Variants in LOXL4 observed in about 807,000 individuals in gnomAD.
LOXL4 encodes the protein lysyl oxidase homolog 4.
A neutral mutation model predicts 89.1 loss-of-function variants in LOXL4; 72 were observed. The ratio of observed to expected loss-of-function variants is 0.81; its 90% confidence interval spans 0.67 to 0.98. The LOEUF is 0.98. LOXL4 is among the 50% of genes least tolerant of loss of function. The pLI, the probability that LOXL4 is intolerant of heterozygous loss-of-function variation, is 0.00. For missense variants in LOXL4, 984 were observed against 1,017.5 expected (o/e 0.97, Z 0.45); for synonymous variants, 355 against 392.1 (o/e 0.91, Z 1.12).
intron 2 of LOXL4, 152 bp downstream of exon 2, chr10:98,262,591 A>AG (rs953080908): frequency 2.1e-6 from 2 of 941,142 alleles, no homozygotes; most frequent in African/African-American, 3.3e-5. Context: ...GGGTGGGAGT[A>AG]GGGGCCATGT....
At chr10:98,264,190 A>G (rs994239107) in intron 1 of LOXL4, among the ~76,000 whole-genome samples, 10 of 151,332 alleles carry the variant, frequency 6.6e-5, no homozygotes, top group Non-Finnish European at 1.5e-4. Flanking sequence ...AGGTGCTGGG[A>G]CACAGAAATT....
chr10:98,258,382 C>A (rs1264467738), intron 6 of LOXL4, among the ~76,000 whole-genome samples: 1 of 152,048 alleles, frequency 6.6e-6, no homozygotes, highest in Non-Finnish European at 1.5e-5. Flanking sequence ...ATCACCCCCA[C>A]AGCCTCATCA....
Position 98,262,050 on chromosome 10 carries a change from A to C in LOXL4, c.441T>G (p.Asn147Lys). ...GCCTCCTCACCTGGGGCCCAAGGGC[A>C]TTGGAGACAGTTTCAGAAAGGTAGC... ...HRGYLSETVS[N>K]ALGPQGRRLE... Residue 147 changes from asparagine (N) to lysine (K), a missense_variant, in exon 3 of 15, where the codon AAT becomes AAG. Physicochemically the swap from Asn to Lys is moderately conservative, Grantham distance 94 (BLOSUM62 0). Coordinates refer to ENST00000260702, the MANE Select transcript of LOXL4 (RefSeq NM_032211.7). 1 of 1,610,672 alleles carries C rather than the reference A, an allele frequency of 6.2e-7. No individual in the cohort carries two copies. Among genetic ancestry groups the C allele is most frequent in the Non-Finnish European group, 8.5e-7 (1 of 1,178,528 alleles).
chr10:98,254,752 G>T (rs978991681), intron 10 of LOXL4, among the ~76,000 whole-genome samples: 2 of 152,192 alleles, frequency 1.3e-5, no homozygotes, highest in African/African-American at 4.8e-5. Context: ...TGAGGAGCAG[G>T]CTCCCCACGT....
chr10:98,260,877 C>T (rs1352696339), intron 4 of LOXL4, 45 bp downstream of exon 4: 3 of 1,558,834 alleles, frequency 1.9e-6, no homozygotes, highest in Non-Finnish European at 1.7e-6. Flanking sequence ...AGTCCCTGCC[C>T]CACAACCCTG....
At chr10:98,253,897 G>A (rs929499027) in intron 10 of LOXL4, 101 bp from the exon 11 acceptor site, 20 of 1,456,536 alleles carry the variant, frequency 1.4e-5, no homozygotes, top group Non-Finnish European at 1.8e-5. Context: ...TAAACCCTCC[G>A]AGAGGACCCC....
intron 9 of LOXL4, chr10:98,256,270 TG>T: frequency 5.3e-6 from 1 of 189,426 alleles, no homozygotes; most frequent in South Asian, 1.2e-4. Context: ...ATTTCTCACC[TG>T]GGCTACTACA....
chr10:98,254,179 C>G (rs146331267), intron 10 of LOXL4, among the ~76,000 whole-genome samples: 97 of 152,280 alleles, frequency 6.4e-4, no homozygotes, highest in African/African-American at 2.2e-3. Flanking sequence ...CATGTCTGGC[C>G]TAAGTAAACA....
rs549335473 is a variant in LOXL4, at chr10:98,258,591, AGGCATCTGTACCACCTCAC to A, written c.921+399_921+417del. Among the ~76,000 whole-genome samples the A allele has an allele frequency of 2.7e-3, 418 of 152,006 alleles. 3 individuals carry two copies. Among genetic ancestry groups the A allele is most frequent in the African/African-American group, 9.7e-3 (402 of 41,436 alleles). On this transcript the variant is annotated intron_variant, in intron 6 of 14. Transcript: ENST00000260702. ...ACGAGGCCATCTCAGTGTGGCGCTG[AGGCATCTGTACCACCTCAC>A]GGCATCTGTACCACCTCATGAGGGC...
intron 1 of LOXL4, 119 bp from the exon 2 acceptor site, chr10:98,263,170 G>GTA: frequency 1.4e-6 from 1 of 718,372 alleles, no homozygotes; most frequent in Non-Finnish European, 2.3e-6. Flanking sequence ...ATGTGTGTGT[G>GTA]TGTGCACGCG....
chr10:98,262,256 G>C (rs759314262), intron 2 of LOXL4, 43 bp from the exon 3 acceptor site: 2 of 1,604,862 alleles, frequency 1.2e-6, no homozygotes, highest in East Asian at 2.2e-5. Flanking sequence ...CAGAGAGGCA[G>C]GTCACAGGCT....
chr10:98,259,450 T>C (rs755305765), intron 4 of LOXL4, 21 bp from the exon 5 acceptor site: 3 of 1,611,366 alleles, frequency 1.9e-6, no homozygotes, highest in South Asian at 2.2e-5. Context: ...AGAAAACAGA[T>C]AGGAGGTGGA....
At chr10:98,266,654 C>T (rs893648274) in intron 1 of LOXL4, among the ~76,000 whole-genome samples, 1 of 152,190 alleles carries the variant, frequency 6.6e-6, no homozygotes, top group Non-Finnish European at 1.5e-5. Context: ...CTCTTATTGG[C>T]CTTCCTGCCC....
intron 1 of LOXL4, among the ~76,000 whole-genome samples, chr10:98,266,900 C>G (rs1275455091): frequency 6.6e-6 from 1 of 152,258 alleles, no homozygotes; most frequent in Admixed American, 6.5e-5. Context: ...GTCTGTTCCC[C>G]TAGCACTGAG....
intron 12 of LOXL4, 76 bp from the exon 13 acceptor site, chr10:98,251,778 C>G: frequency 6.5e-7 from 1 of 1,541,880 alleles, no homozygotes; most frequent in Non-Finnish European, 8.8e-7. Flanking sequence ...TTTACCAGTT[C>G]AGTGTCATCA....
rs559354978 is a variant in LOXL4 at position 98,265,603 on chromosome 10, A to G, written c.-33+2529T>C. The stretch of plus-strand genomic sequence containing the variant: ...GTATTTTTAGTAGAGACAGGGTTTC[A>G]CCACATCAGTTCTTGAACTCCTGAC... On this transcript the variant is annotated intron_variant, in intron 1 of 14. Coordinates refer to ENST00000260702, the MANE Select transcript of LOXL4 (RefSeq NM_032211.7). 2.3e-5 allele frequency among the ~76,000 whole-genome samples: 2 copies of G among 86,734 alleles called. 1 individual carries two copies. The highest frequency in any genetic ancestry group is 5.5e-5 in the Non-Finnish European group (2 of 36,384). The allele number at this position is 86,734 out of a possible 152,430, so 56.9% of individuals were successfully genotyped here.
Position 98,262,981 on chromosome 10 carries a change from C to T in LOXL4, c.39G>A (p.Leu13=). The change falls in exon 2 of 15, where the codon CTG becomes CTA. Residue 13 remains leucine, a synonymous_variant. Coordinates refer to ENST00000260702, the MANE Select transcript of LOXL4 (RefSeq NM_032211.7). The stretch of plus-strand genomic sequence containing the variant: ...TGGGAGGGGGCTGGCCTAGCAGCAG[C>T]AGGAACAGAAAGAGGGTGGCTGGTG... ...WSPPATLFLF[L]LLLGQPPPSR... The T allele has an allele frequency of 1.2e-6, 2 of 1,613,696 alleles. No individual in the cohort carries two copies. The highest frequency in any genetic ancestry group is 1.7e-6 in the Non-Finnish European group (2 of 1,180,008).
At chr10:98,250,031 C>A (rs1483988855) in intron 14 of LOXL4, among the ~76,000 whole-genome samples, 1 of 152,178 alleles carries the variant, frequency 6.6e-6, no homozygotes, top group African/African-American at 2.4e-5. Context: ...CACAACCCTC[C>A]CTGCAAAAAG....
chr10:98,251,058 G>GATTCCACAC lies in LOXL4; in HGVS notation c.2200+6_2200+7insGTGTGGAAT. Reference sequence around the variant, plus strand: ...AGATGGCTGATTCCACAGTGGCTCGGAGTTACCTGTGTGGCAGTTGTGCAG... The same window carrying GATTCCACAC: ...AGATGGCTGATTCCACAGTGGCTCGGATTCCACACAGTTACCTGTGTGGCAGTTGTGCAG... On this transcript the variant is annotated splice_region_variant and intron_variant, in intron 14 of 14. Transcript: ENST00000260702. 3.1e-6 allele frequency: 5 copies of GATTCCACAC among 1,607,316 alleles called. No homozygotes were observed. Among genetic ancestry groups the GATTCCACAC allele is most frequent in the Non-Finnish European group, 4.3e-6 (5 of 1,174,160 alleles).
Sources: gnomAD v4.1 joint callset for allele counts (sites outside exome capture counted in the v4.1 genomes callset) on GRCh38, gnomAD v4.1.1 for gene constraint, MANE v1.5 for transcripts, NCBI Gene and HGNC (gene_info 2026-07-23, HGNC 2026-07-21) for gene names.